HSPA4: variants seen among roughly 807,000 people sequenced by gnomAD.
The protein encoded by HSPA4 is heat shock protein family A (Hsp70) member 4, also known as heat shock 70 kDa protein 4.
Under a neutral mutation model 106.2 loss-of-function variants are expected in HSPA4, and 25 were observed. That is an observed-to-expected ratio of 0.24 (90% CI 0.17 to 0.33). The LOEUF is 0.33. Ranked by LOEUF, HSPA4 falls within the 10% of genes least tolerant of loss-of-function variation. The pLI is 1.00. For synonymous variants in HSPA4, 332 were observed against 333.6 expected, an observed-to-expected ratio of 1.00 and a Z score of 0.05; for missense variants, 841 against 996.0, an observed-to-expected ratio of 0.84 and a Z score of 2.10.
intron 7 of HSPA4, among the ~76,000 whole-genome samples, chr5:133,080,433 A>C (rs1011070489): frequency 3.2e-4 from 48 of 151,340 alleles, no homozygotes; most frequent in Admixed American, 2.6e-3. Flanking sequence ...AAAAAAAAAA[A>C]AAAAAAAACC....
chr5:133,056,729 C>T (rs550255540), intron 1 of HSPA4, among the ~76,000 whole-genome samples: 1 of 152,032 alleles, frequency 6.6e-6, no homozygotes, highest in Non-Finnish European at 1.5e-5. Context: ...GGTGAATTTG[C>T]TAGGGTAAGG....
At chr5:133,075,474 C>T (rs1371256812) in intron 6 of HSPA4, among the ~76,000 whole-genome samples, 1 of 152,142 alleles carries the variant, frequency 6.6e-6, no homozygotes, top group East Asian at 1.9e-4. Context: ...TTACAAAAAT[C>T]TCCCCAAATT....
intron 2 of HSPA4, 65 bp downstream of exon 2, chr5:133,065,102 G>GT: frequency 7.4e-7 from 1 of 1,342,340 alleles, no homozygotes; most frequent in Non-Finnish European, 1.1e-6. Context: ...TCAGCAAGTA[G>GT]TTGAATGCCC....
In HSPA4 at chr5:133,067,239, C is replaced by T. The variant is rs190564695; in HGVS notation, c.166-178C>T. Among the ~76,000 whole-genome samples, 19 of 152,300 alleles carry T rather than the reference C, an allele frequency of 1.2e-4. 3 individuals carry two copies. The highest frequency in any genetic ancestry group is 8.5e-4 in the Admixed American group (13 of 15,298). On this transcript the variant is annotated intron_variant, in intron 2 of 18. Transcript: ENST00000304858. ...GCCACTCTGAGACCCATGCAAATCC[C>T]TCCTCCCTCACTTCGCATGCTAGTG...
intron 1 of HSPA4, among the ~76,000 whole-genome samples, chr5:133,053,693 C>T (rs529346461): frequency 6.6e-6 from 1 of 151,086 alleles, no homozygotes; most frequent in Non-Finnish European, 1.5e-5. Flanking sequence ...GAGTCTCGCT[C>T]TGTCGCCCCA....
At chr5:133,091,045 A>T in intron 11 of HSPA4, 148 bp from the exon 12 acceptor site, 1 of 751,796 alleles carries the variant, frequency 1.3e-6, no homozygotes, top group East Asian at 2.6e-5. Context: ...ATTTAATAAG[A>T]TTCTAAAAGG....
chr5:133,072,398 T>TTTTG (rs1765394108), intron 4 of HSPA4, among the ~76,000 whole-genome samples: 1 of 136,534 alleles, frequency 7.3e-6, no homozygotes, highest in African/African-American at 2.9e-5. Context: ...GGTTGTTTTT[T>TTTTG]TTTTTTTTTT....
At chr5:133,061,125 C>CT (rs576430090) in intron 1 of HSPA4, among the ~76,000 whole-genome samples, 436 of 135,798 alleles carry the variant, frequency 3.2e-3, no homozygotes, top group South Asian at 0.02. Context: ...GTTTTCTTTT[C>CT]TTTTTTTTTT....
At chr5:133,056,909 C>G (rs1377375267) in intron 1 of HSPA4, among the ~76,000 whole-genome samples, 1 of 151,920 alleles carries the variant, frequency 6.6e-6, no homozygotes, top group Non-Finnish European at 1.5e-5. Flanking sequence ...CCATAGTGCT[C>G]AGAATAATGC....
At chr5:133,068,572 T>C (rs948035755) in intron 3 of HSPA4, among the ~76,000 whole-genome samples, 1 of 152,110 alleles carries the variant, frequency 6.6e-6, no homozygotes, top group African/African-American at 2.4e-5. Context: ...GCTGTTGCAG[T>C]GTAGCTGATA....
intron 11 of HSPA4, among the ~76,000 whole-genome samples, chr5:133,090,535 A>G (rs1765634826): frequency 6.6e-6 from 1 of 151,636 alleles, no homozygotes; most frequent in African/African-American, 2.4e-5. Flanking sequence ...TATCTAGAGT[A>G]GTTATAGACT....
intron 4 of HSPA4, among the ~76,000 whole-genome samples, chr5:133,070,917 T>A (rs2126700433): frequency 6.6e-6 from 1 of 151,998 alleles, no homozygotes; most frequent in African/African-American, 2.4e-5. Context: ...AAAAAAAAAA[T>A]TTATGAAACT....
At chr5:133,088,874 A>G (rs1174461039) in intron 9 of HSPA4, among the ~76,000 whole-genome samples, 181 bp from the exon 10 acceptor site, 1 of 152,240 alleles carries the variant, frequency 6.6e-6, no homozygotes, top group Non-Finnish European at 1.5e-5. Flanking sequence ...AGGAATAGCT[A>G]GATTATATAG....
intron 10 of HSPA4, among the ~76,000 whole-genome samples, 175 bp downstream of exon 10, chr5:133,089,336 C>T (rs1039929345): frequency 3.9e-5 from 6 of 152,200 alleles, no homozygotes; most frequent in Non-Finnish European, 7.4e-5. Flanking sequence ...GTTTCTCACA[C>T]TTGATTCTGC....
intron 7 of HSPA4, among the ~76,000 whole-genome samples, chr5:133,077,949 T>C (rs936020390): frequency 1.1e-4 from 16 of 152,166 alleles, no homozygotes; most frequent in Non-Finnish European, 2.2e-4. Flanking sequence ...AAATTGTTAG[T>C]GAAATGTTAC....
Position 133,104,814 on chromosome 5 carries a change from G to T in HSPA4, c.*378G>T. ...CTTACATGGCAGGAGCTCTAATTATGCTTTAAAAATCTGTTGTGGAGATTG... is the reference window on the plus strand; with the variant it reads ...CTTACATGGCAGGAGCTCTAATTATTCTTTAAAAATCTGTTGTGGAGATTG... On this transcript the variant is annotated 3_prime_UTR_variant, in exon 19 of 19. Coordinates refer to ENST00000304858, the MANE Select transcript of HSPA4 (RefSeq NM_002154.4). 9.6e-6 allele frequency: 2 copies of T among 207,364 alleles called. No homozygotes were observed. The highest frequency in any genetic ancestry group is 2.0e-5 in the Non-Finnish European group (2 of 101,560). The allele number at this position is 207,364 out of a possible 1,614,324, so 12.8% of individuals were successfully genotyped here.
chr5:133,072,317 C>T (rs1765391545), intron 4 of HSPA4, among the ~76,000 whole-genome samples: 1 of 151,680 alleles, frequency 6.6e-6, no homozygotes, highest in Non-Finnish European at 1.5e-5. Flanking sequence ...CTGTGCTTAA[C>T]TCCAGCAACA....
In HSPA4 at chr5:133,089,049, TTC is replaced by T; in HGVS notation, c.1138-4_1138-3del. The T allele has an allele frequency of 6.5e-7, 1 of 1,545,632 alleles. No homozygotes were observed. The highest frequency in any genetic ancestry group is 1.4e-5 in the African/African-American group (1 of 73,462). ...TAAACGGAATTTTTGAAAATTATTA[TTC>T]TAGTGTGCCATCTTATCGCCTGCTT... is the stretch of plus-strand genomic sequence containing the variant. On this transcript the variant is annotated splice_polypyrimidine_tract_variant and splice_region_variant and intron_variant, in intron 9 of 18. Coordinates refer to ENST00000304858, the MANE Select transcript of HSPA4 (RefSeq NM_002154.4).
chr5:133,065,471 C>T (rs975749734), intron 2 of HSPA4, among the ~76,000 whole-genome samples: 1 of 152,116 alleles, frequency 6.6e-6, no homozygotes, highest in African/African-American at 2.4e-5. Flanking sequence ...CAAGGAGTGC[C>T]CTGGAATCAG....
Sources: allele counts gnomAD v4.1 joint callset (sites outside exome capture counted in the v4.1 genomes callset), GRCh38; gene constraint gnomAD v4.1.1; transcripts MANE v1.5; gene names NCBI Gene and HGNC (gene_info 2026-07-23, HGNC 2026-07-21).